The following ABTB3 variants were observed in gnomAD, a reference collection of about 807,000 sequenced individuals.
ABTB3 encodes the protein ankyrin repeat- and BTB/POZ domain-containing protein 3.
chr12:107,653,344 G>A, the ABTB3 span, among the ~76,000 whole-genome samples: 4 of 152,052 alleles, frequency 2.6e-5, no homozygotes, highest in South Asian at 6.2e-4. Context: ...GTGAAACCCC[G>A]TCTCTACTAA....
chr12:107,379,734 G>A, the ABTB3 span, among the ~76,000 whole-genome samples: 50 of 152,304 alleles, frequency 3.3e-4, no homozygotes, highest in African/African-American at 1.1e-3. Context: ...TGCTGGGACA[G>A]TTGGAAACAG....
chr12:107,433,883 G>A, the ABTB3 span, among the ~76,000 whole-genome samples: 1 of 152,216 alleles, frequency 6.6e-6, no homozygotes, highest in African/African-American at 2.4e-5. Flanking sequence ...GATCAGTCGG[G>A]TTCTAGCCAG....
the ABTB3 span, among the ~76,000 whole-genome samples, chr12:107,516,202 G>T: frequency 6.6e-6 from 1 of 151,488 alleles, no homozygotes; most frequent in African/African-American, 2.4e-5. Flanking sequence ...AAATCTAATG[G>T]TCATCTGTAT....
the ABTB3 span, chr12:107,319,527 GC>G: frequency 6.4e-7 from 1 of 1,562,494 alleles, no homozygotes; most frequent in Middle Eastern, 1.7e-4. Flanking sequence ...AGCGCCGGCG[GC>G]GACCGCCTGG....
the ABTB3 span, among the ~76,000 whole-genome samples, chr12:107,493,731 GA>G: frequency 6.6e-6 from 1 of 152,152 alleles, no homozygotes; most frequent in East Asian, 1.9e-4. Context: ...ATGTCCTCAT[GA>G]AAAAGGTGAA....
the ABTB3 span, chr12:107,620,033 T>C: frequency 7.4e-6 from 12 of 1,614,132 alleles, no homozygotes; most frequent in Non-Finnish European, 1.0e-5. Flanking sequence ...GCGGATCGCC[T>C]TCCAGCAGCA....
the ABTB3 span, among the ~76,000 whole-genome samples, chr12:107,398,481 C>A: frequency 2.0e-5 from 3 of 152,246 alleles, no homozygotes; most frequent in East Asian, 5.8e-4. Flanking sequence ...AGCAGGCTTG[C>A]CCGTTGCTGG....
At chr12:107,600,547 G>A in the ABTB3 span, among the ~76,000 whole-genome samples, 1 of 152,096 alleles carries the variant, frequency 6.6e-6, no homozygotes, top group Non-Finnish European at 1.5e-5. Flanking sequence ...CAATTCCCAG[G>A]GGCCCACACA....
chr12:107,495,932 C>T, the ABTB3 span, among the ~76,000 whole-genome samples: 1 of 152,120 alleles, frequency 6.6e-6, no homozygotes, highest in East Asian at 1.9e-4. Context: ...ATAGTAAGTA[C>T]TAAATGAAAG....
chr12:107,458,068 T>C, the ABTB3 span, among the ~76,000 whole-genome samples: 5 of 152,212 alleles, frequency 3.3e-5, no homozygotes, highest in African/African-American at 4.8e-5. Context: ...GAGTACCCAG[T>C]AAATGTTCAC....
At chr12:107,533,961 A>G in the ABTB3 span, among the ~76,000 whole-genome samples, 2 of 152,262 alleles carry the variant, frequency 1.3e-5, no homozygotes, top group South Asian at 2.1e-4. Flanking sequence ...CTAGAAGTCA[A>G]TAACGAGGAA....
At chr12:107,531,786 T>C in the ABTB3 span, among the ~76,000 whole-genome samples, 2 of 151,816 alleles carry the variant, frequency 1.3e-5, no homozygotes, top group African/African-American at 4.8e-5. Context: ...ATTTTGAGAG[T>C]AGTCATTACT....
At chr12:107,357,700 A>G in the ABTB3 span, among the ~76,000 whole-genome samples, 2 of 152,256 alleles carry the variant, frequency 1.3e-5, no homozygotes, top group Non-Finnish European at 2.9e-5. Flanking sequence ...TGGGGCTAAA[A>G]TATCCTTTCT....
At chr12:107,654,109 G>A in the ABTB3 span, among the ~76,000 whole-genome samples, 6,151 of 152,134 alleles carry the variant, frequency 0.04, 216 homozygotes, top group Non-Finnish European at 0.062. Context: ...ATAGTAGCAC[G>A]TGTCAGAATT....
the ABTB3 span, among the ~76,000 whole-genome samples, chr12:107,498,433 G>T: frequency 6.6e-6 from 1 of 152,214 alleles, no homozygotes; most frequent in African/African-American, 2.4e-5. Flanking sequence ...GCTACTGCTA[G>T]AACTCACTAC....
the ABTB3 span, among the ~76,000 whole-genome samples, chr12:107,570,341 A>C: frequency 6.6e-6 from 1 of 151,988 alleles, no homozygotes; most frequent in Admixed American, 6.5e-5. Flanking sequence ...CAGCCTCCCG[A>C]GTACCGGGAC....
chr12:107,649,181 C>T, the ABTB3 span: 7 of 1,596,622 alleles, frequency 4.4e-6, no homozygotes, highest in Non-Finnish European at 6.0e-6. Context: ...TTGCTGTTGA[C>T]ACTGTTCTCT....
the ABTB3 span, among the ~76,000 whole-genome samples, chr12:107,351,553 A>T: frequency 6.6e-6 from 1 of 152,150 alleles, no homozygotes; most frequent in Non-Finnish European, 1.5e-5. Flanking sequence ...TTAAGAGATA[A>T]TTAGAATGCA....
the ABTB3 span, among the ~76,000 whole-genome samples, chr12:107,358,975 C>A: frequency 4.4e-4 from 67 of 152,328 alleles, no homozygotes; most frequent in African/African-American, 1.5e-3. Flanking sequence ...CCAGGCCAGG[C>A]CTGACTACCC....
Sources: allele counts gnomAD v4.1 joint callset (sites outside exome capture counted in the v4.1 genomes callset), GRCh38; gene constraint gnomAD v4.1.1; transcripts MANE v1.5; gene names NCBI Gene and HGNC (gene_info 2026-07-23, HGNC 2026-07-21).